The following TMEM131L variants were observed in gnomAD, a reference collection of about 807,000 sequenced individuals.
TMEM131L encodes the protein transmembrane protein 131-like.
TMEM131L carries 54 observed loss-of-function variants against 192.2 expected under a neutral mutation model. The ratio of observed to expected loss-of-function variants is 0.28; its 90% CI spans 0.23 to 0.35. The LOEUF is 0.35. Among genes scored for constraint, TMEM131L ranks in the 10% least tolerant of loss-of-function variants. The pLI is 1.00. For missense variants in TMEM131L, 1,888 were observed against 1,972.9 expected (o/e 0.96, Z 0.82); for synonymous variants, 701 against 704.9 (o/e 0.99, Z 0.09).
At chr4:153,617,234 C>G (rs1449500073) in intron 26 of TMEM131L, among the ~76,000 whole-genome samples, 1 of 152,186 alleles carries the variant, frequency 6.6e-6, no homozygotes, top group Non-Finnish European at 1.5e-5. Flanking sequence ...TGAGACCTGC[C>G]TTTCACCTTC....
At chr4:153,572,331 G>T (rs1729642977) in intron 7 of TMEM131L, among the ~76,000 whole-genome samples, 1 of 151,884 alleles carries the variant, frequency 6.6e-6, no homozygotes, top group South Asian at 2.1e-4. Context: ...TTTCTTTTTT[G>T]TTTTGTTTTG....
chr4:153,499,764 G>C (rs1733459833), intron 3 of TMEM131L, among the ~76,000 whole-genome samples: 1 of 152,132 alleles, frequency 6.6e-6, no homozygotes, highest in Non-Finnish European at 1.5e-5. Context: ...TTCAGCTTCA[G>C]CTTGAGCACT....
At chr4:153,467,917 TA>T (rs1730878446) in intron 2 of TMEM131L, among the ~76,000 whole-genome samples, 1 of 152,220 alleles carries the variant, frequency 6.6e-6, no homozygotes, top group Non-Finnish European at 1.5e-5. Flanking sequence ...GCAAAGCTTT[TA>T]ACTTTTACAA....
In TMEM131L at chr4:153,635,583, C is replaced by T. The variant is rs1405638684; in HGVS notation, c.4557+12C>T. 1 of 1,613,942 alleles carries T rather than the reference C, an allele frequency of 6.2e-7. No homozygotes were observed. The highest frequency in any genetic ancestry group is 1.1e-5 in the South Asian group (1 of 91,052). ...TCATCAGCTCTCCGGTCAGTGTTGCCCATCCTGTGCCGTGAACCCCTGGGC... is the reference window on the plus strand; with the variant it reads ...TCATCAGCTCTCCGGTCAGTGTTGCTCATCCTGTGCCGTGAACCCCTGGGC... On this transcript the variant is annotated intron_variant, in intron 34 of 34. Transcript: ENST00000409959.
intron 20 of TMEM131L, among the ~76,000 whole-genome samples, chr4:153,597,168 A>G (rs1409729731): frequency 1.3e-5 from 2 of 152,084 alleles, no homozygotes; most frequent in African/African-American, 2.4e-5. Context: ...AAAAAGTTAA[A>G]GTTCTTCAGA....
At chr4:153,627,110 C>G (rs943496435) in intron 30 of TMEM131L, among the ~76,000 whole-genome samples, 2 of 152,136 alleles carry the variant, frequency 1.3e-5, no homozygotes, top group Non-Finnish European at 2.9e-5. Flanking sequence ...GGAAACTTGA[C>G]TAGTGCACAG....
intron 4 of TMEM131L, among the ~76,000 whole-genome samples, chr4:153,554,996 C>G (rs1369790054): frequency 6.6e-6 from 1 of 152,166 alleles, no homozygotes; most frequent in Non-Finnish European, 1.5e-5. Flanking sequence ...TGCCACGGAG[C>G]AGGGATTCTT....
At chr4:153,532,623 A>G (rs1232221228) in intron 3 of TMEM131L, among the ~76,000 whole-genome samples, 1 of 151,980 alleles carries the variant, frequency 6.6e-6, no homozygotes, top group Non-Finnish European at 1.5e-5. Context: ...TATAAAGAAA[A>G]TGTAGTTTGT....
chr4:153,535,195 G>A (rs1265237966), intron 3 of TMEM131L, among the ~76,000 whole-genome samples: 1 of 152,156 alleles, frequency 6.6e-6, no homozygotes, highest in Non-Finnish European at 1.5e-5. Flanking sequence ...TGCGGGGTGT[G>A]AGAAAGAGAA....
chr4:153,609,723 A>T (rs570486774), intron 25 of TMEM131L, among the ~76,000 whole-genome samples: 1 of 152,328 alleles, frequency 6.6e-6, no homozygotes, highest in South Asian at 2.1e-4. Context: ...TTTGATGACT[A>T]ATACTTTTAG....
chr4:153,613,212 C>A (rs1330747342), intron 26 of TMEM131L, among the ~76,000 whole-genome samples: 3 of 152,094 alleles, frequency 2.0e-5, no homozygotes, highest in Non-Finnish European at 2.9e-5. Flanking sequence ...GATAGAAGTT[C>A]AAATAAACAC....
chr4:153,547,004 G>GT (rs1737230258), intron 3 of TMEM131L, among the ~76,000 whole-genome samples: 2 of 152,276 alleles, frequency 1.3e-5, no homozygotes, highest in East Asian at 3.9e-4. Flanking sequence ...GTCTGAAATA[G>GT]TTTTACCTGC....
In TMEM131L at chr4:153,483,794, C is replaced by T. The variant is rs532014863; in HGVS notation, c.239+9906C>T. On this transcript the variant is annotated intron_variant, in intron 3 of 34. Transcript: ENST00000409959. ...GGGTGTTTTGCCGTTGAGAACCAAA[C>T]TTACATTTCTTTAGGAAGGCTTCTA... 2.0e-5 allele frequency among the ~76,000 whole-genome samples: 3 copies of T among 152,258 alleles called. No homozygotes were observed. The South Asian group carries it at 6.2e-4, about 32-fold the overall frequency.
chr4:153,503,466 G>C (rs1733749784), intron 3 of TMEM131L, among the ~76,000 whole-genome samples: 2 of 152,228 alleles, frequency 1.3e-5, no homozygotes, highest in African/African-American at 4.8e-5. Flanking sequence ...GTTATTTTCA[G>C]ATTTACTCAT....
chr4:153,556,934 TC>T (rs1728504930), intron 5 of TMEM131L, 31 bp from the exon 6 acceptor site: 4 of 1,041,194 alleles, frequency 3.8e-6, no homozygotes, highest in African/African-American at 1.6e-5. Flanking sequence ...AGGAGGCCAT[TC>T]CAAGTGGCTG....
At chr4:153,602,427 T>A in intron 22 of TMEM131L, 89 bp downstream of exon 22, 13 of 1,523,636 alleles carry the variant, frequency 8.5e-6, no homozygotes, top group Non-Finnish European at 1.2e-5. Context: ...AGACATCTTA[T>A]GTTGTTTTAA....
chr4:153,628,328 T>G (rs1733989673), intron 31 of TMEM131L, among the ~76,000 whole-genome samples: 1 of 152,238 alleles, frequency 6.6e-6, no homozygotes, highest in South Asian at 2.1e-4. Context: ...TCCTCCCTCA[T>G]TTTTCTTCTC....
chr4:153,604,031 A>G lies in TMEM131L; in HGVS notation c.3019A>G (p.Thr1007Ala). 1.9e-6 allele frequency: 3 copies of G among 1,614,174 alleles called. No individual in the cohort carries two copies. Among genetic ancestry groups the G allele is most frequent in the Non-Finnish European group, 2.5e-6 (3 of 1,180,026 alleles). Residue 1007 changes from threonine (T) to alanine (A), a missense_variant, in exon 25 of 35, where the codon ACT (threonine) becomes GCT (alanine). Coordinates refer to ENST00000409959, the MANE Select transcript of TMEM131L (RefSeq NM_001131007.2). ...STSTTTEEKQ[T>A]SPLGSSLPAA... ...CAGCACGACTACTGAGGAAAAACAG[A>G]CTTCACCCCTGGGCAGCTCACTGCC...
At chr4:153,561,181 G>A (rs996906051) in intron 7 of TMEM131L, among the ~76,000 whole-genome samples, 2 of 152,140 alleles carry the variant, frequency 1.3e-5, no homozygotes, top group East Asian at 1.9e-4. Context: ...TTTGTATATC[G>A]TCTTTGGGGA....
Sources: allele counts gnomAD v4.1 joint callset (sites outside exome capture counted in the v4.1 genomes callset), GRCh38; gene constraint gnomAD v4.1.1; transcripts MANE v1.5; gene names NCBI Gene and HGNC (gene_info 2026-07-23, HGNC 2026-07-21).